ASXL3: variants seen among roughly 807,000 people sequenced by gnomAD.
The protein encoded by ASXL3 is putative Polycomb group protein ASXL3.
Under a neutral mutation model 170.6 loss-of-function variants are expected in ASXL3, and 34 were observed. That is an observed-to-expected ratio of 0.20 (90% CI 0.15 to 0.27). The LOEUF (loss-of-function observed/expected upper bound fraction) is 0.27, where lower values mean the gene tolerates loss of function less well. ASXL3 is among the 10% of genes least tolerant of loss of function. ASXL3 has a pLI of 1.00. For missense variants in ASXL3, 2,592 were observed against 2,695.3 expected, an observed-to-expected ratio of 0.96 and a Z score of 0.85; for synonymous variants, 1,002 against 989.1, an observed-to-expected ratio of 1.01 and a Z score of -0.24.
intron 4 of ASXL3, among the ~76,000 whole-genome samples, chr18:33,656,349 A>G (rs558997617): frequency 6.6e-6 from 1 of 152,228 alleles, no homozygotes; most frequent in South Asian, 2.1e-4. Flanking sequence ...AAGAGAACTT[A>G]CAGAAATGAA....
At chr18:33,596,433 C>T (rs991107102) in intron 1 of ASXL3, among the ~76,000 whole-genome samples, 2 of 152,006 alleles carry the variant, frequency 1.3e-5, no homozygotes, top group African/African-American at 4.8e-5. Context: ...CATCTATAGT[C>T]AGGAGAAAAG....
chr18:33,671,286 C>T (rs1024023233), intron 6 of ASXL3, among the ~76,000 whole-genome samples: 5 of 152,112 alleles, frequency 3.3e-5, no homozygotes, highest in South Asian at 4.2e-4. Flanking sequence ...GTCACTTTAT[C>T]GGCTATGTAC....
At chr18:33,594,310 G>A (rs1484450357) in intron 1 of ASXL3, among the ~76,000 whole-genome samples, 1 of 152,066 alleles carries the variant, frequency 6.6e-6, no homozygotes, top group East Asian at 1.9e-4. Flanking sequence ...CAAAGGGATG[G>A]GTATTTTGAT....
At chr18:33,709,420 G>A (rs2067018789) in intron 8 of ASXL3, among the ~76,000 whole-genome samples, 1 of 152,108 alleles carries the variant, frequency 6.6e-6, no homozygotes, top group Non-Finnish European at 1.5e-5. Context: ...ATAAATTGCT[G>A]TATAGTATTC....
At chr18:33,624,905 A>G (rs932887936) in intron 2 of ASXL3, among the ~76,000 whole-genome samples, 24 of 152,152 alleles carry the variant, frequency 1.6e-4, no homozygotes, top group African/African-American at 5.5e-4. Context: ...TTATACTGAA[A>G]TAGTTTGCTG....
chr18:33,620,477 G>A (rs925699745), intron 2 of ASXL3, among the ~76,000 whole-genome samples: 3 of 152,046 alleles, frequency 2.0e-5, no homozygotes, highest in African/African-American at 7.2e-5. Context: ...GGAAAGTACT[G>A]AACAAGAATA....
At chr18:33,712,680 A>T (rs1019711885) in intron 8 of ASXL3, among the ~76,000 whole-genome samples, 5 of 147,694 alleles carry the variant, frequency 3.4e-5, no homozygotes, top group African/African-American at 1.3e-4. Flanking sequence ...GATACTCCTG[A>T]AACTTTCTGC....
intron 10 of ASXL3, 121 bp downstream of exon 10, chr18:33,734,536 C>T (rs1044269254): frequency 1.9e-6 from 1 of 519,550 alleles, no homozygotes; most frequent in Non-Finnish European, 3.2e-6. Flanking sequence ...AGGCAATAGT[C>T]CCTCAGTGTA....
rs1321393034 is a variant in ASXL3, at chr18:33,578,695, G to GC, written c.54+16dup. 8 of 1,273,608 alleles carry GC rather than the reference G, an allele frequency of 6.3e-6. No homozygotes were observed. Among genetic ancestry groups the GC allele is most frequent in the Admixed American group, 2.7e-5 (1 of 36,972 alleles). 78.9% of individuals were successfully genotyped at this position (1,273,608 alleles called of 1,614,324 possible). On this transcript the variant is annotated intron_variant, in intron 1 of 11. Coordinates refer to ENST00000269197, the MANE Select transcript of ASXL3 (RefSeq NM_030632.3). ...CGAGGCTGCCCGCCTGGTACGTACCGCCCCCCACACGCCGCCCGCGCCTCC... is the reference window on the plus strand; with the variant it reads ...CGAGGCTGCCCGCCTGGTACGTACCGCCCCCCCACACGCCGCCCGCGCCTCC...
chr18:33,740,551 C>A, intron 11 of ASXL3, 108 bp downstream of exon 11: 2 of 1,115,424 alleles, frequency 1.8e-6, no homozygotes, highest in Non-Finnish European at 2.5e-6. Context: ...TTTTATGCAG[C>A]AGTTTATAAT....
At position 33,682,626 on chromosome 18, in the gene ASXL3, C is replaced by T. The variant is rs145933622; in HGVS notation, c.716-779C>T. ...GCAGTGGCGCAGTCATGGCTCGCTG[C>T]ACCCCTACCTCCCGCGCTTAAGTGA... On this transcript the variant is annotated intron_variant, in intron 7 of 11. Transcript: ENST00000269197. Among the ~76,000 whole-genome samples, 587 of 152,242 alleles carry T rather than the reference C, an allele frequency of 3.9e-3. 5 individuals carry two copies. Among genetic ancestry groups the T allele is most frequent in the African/African-American group, 0.014 (565 of 41,536 alleles).
chr18:33,669,984 C>G (rs551279492), intron 5 of ASXL3, among the ~76,000 whole-genome samples: 61 of 152,218 alleles, frequency 4.0e-4, no homozygotes, highest in African/African-American at 1.4e-3. Flanking sequence ...CAAAGTGCTC[C>G]CATTTGGACA....
At chr18:33,713,055 G>A (rs916812194) in intron 8 of ASXL3, among the ~76,000 whole-genome samples, 1 of 151,784 alleles carries the variant, frequency 6.6e-6, no homozygotes, top group East Asian at 1.9e-4. Flanking sequence ...ACGTGCTCAC[G>A]TTCCTTTGTT....
At chr18:33,596,036 T>C (rs2065123337) in intron 1 of ASXL3, among the ~76,000 whole-genome samples, 1 of 152,162 alleles carries the variant, frequency 6.6e-6, no homozygotes, top group African/African-American at 2.4e-5. Context: ...TCTTTTTTTT[T>C]TCATTAGGCA....
In ASXL3 at chr18:33,695,637, T is replaced by C. The variant is rs1473466407; in HGVS notation, c.879+12069T>C. 3.3e-5 allele frequency among the ~76,000 whole-genome samples: 5 copies of C among 152,262 alleles called. No homozygotes were observed. The East Asian group carries it at 5.8e-4, about 18-fold the overall frequency. On this transcript the variant is annotated intron_variant, in intron 8 of 11. Coordinates refer to ENST00000269197, the MANE Select transcript of ASXL3 (RefSeq NM_030632.3). Reference sequence around the variant, plus strand: ...CAGATTTTCAAGTAATTGCACATAATAGGCAATCTAACTTACAGAGCTGAT... The same window carrying C: ...CAGATTTTCAAGTAATTGCACATAACAGGCAATCTAACTTACAGAGCTGAT...
At chr18:33,689,994 C>T (rs1264821082) in intron 8 of ASXL3, among the ~76,000 whole-genome samples, 1 of 151,968 alleles carries the variant, frequency 6.6e-6, no homozygotes, top group Non-Finnish European at 1.5e-5. Context: ...GGCTGCTGTG[C>T]CCTCTGACAT....
At chr18:33,706,203 C>T (rs954086977) in intron 8 of ASXL3, among the ~76,000 whole-genome samples, 1 of 151,064 alleles carries the variant, frequency 6.6e-6, no homozygotes, top group East Asian at 1.9e-4. Flanking sequence ...CAAAGGGCTT[C>T]TAAAAACCAA....
intron 1 of ASXL3, among the ~76,000 whole-genome samples, chr18:33,601,525 A>G (rs970523473): frequency 6.6e-6 from 1 of 151,796 alleles, no homozygotes; most frequent in Non-Finnish European, 1.5e-5. Context: ...TATTCTATAA[A>G]AAGTTCCAAA....
intron 1 of ASXL3, among the ~76,000 whole-genome samples, chr18:33,582,961 C>A (rs1047574726): frequency 6.6e-6 from 1 of 152,082 alleles, no homozygotes; most frequent in African/African-American, 2.4e-5. Flanking sequence ...AAATATTATG[C>A]ATTACATTCT....
Sources: allele counts gnomAD v4.1 joint callset (sites outside exome capture counted in the v4.1 genomes callset), GRCh38; gene constraint gnomAD v4.1.1; transcripts MANE v1.5; gene names NCBI Gene and HGNC (gene_info 2026-07-23, HGNC 2026-07-21).